Variants in ZNF407 observed in about 807,000 individuals in gnomAD.
The protein encoded by ZNF407 is zinc finger protein 407.
In ZNF407, 17 loss-of-function variants were observed where a neutral mutation model predicts 131.2. The observed-to-expected ratio is 0.13, with a 90% CI of 0.09 to 0.19. The LOEUF (loss-of-function observed/expected upper bound fraction) is 0.19, where lower values mean the gene tolerates loss of function less well. Among genes scored for constraint, ZNF407 ranks in the 10% least tolerant of loss-of-function variants. The pLI, the probability that ZNF407 is intolerant of heterozygous loss-of-function variation, is 1.00. For synonymous variants in ZNF407, 1,156 were observed against 1,062.0 expected, an observed-to-expected ratio of 1.09 and a Z score of -1.72; for missense variants, 2,681 against 2,830.6, an observed-to-expected ratio of 0.95 and a Z score of 1.20.
intron 4 of ZNF407, among the ~76,000 whole-genome samples, chr18:74,863,136 G>A (rs185656364): frequency 2.6e-5 from 4 of 151,566 alleles, no homozygotes; most frequent in African/African-American, 9.7e-5. Flanking sequence ...GACCAGGCTG[G>A]TCTTGAACTC....
Position 74,633,017 on chromosome 18 carries a change from A to C in ZNF407, c.1998A>C (p.Leu666Phe). 6.2e-7 allele frequency: 1 copy of C among 1,613,920 alleles called. No individual in the cohort carries two copies. The highest frequency in any genetic ancestry group is 8.5e-7 in the Non-Finnish European group (1 of 1,179,894). ...LVLQTLPLSTLESENAKESMD... is the reference protein window; with the variant it reads ...LVLQTLPLSTFESENAKESMD... ...TACAGACTTTACCTTTGAGTACTTT[A>C]GAATCAGAAAACGCAAAAGAGTCTA... The change falls in exon 2 of 9, where the codon TTA becomes TTC. Residue 666 changes from leucine to phenylalanine, a missense_variant. Leu to Phe is a conservative substitution (Grantham distance 22). Transcript: ENST00000299687.
intron 3 of ZNF407, among the ~76,000 whole-genome samples, chr18:74,682,950 C>A (rs116894851): frequency 6.6e-6 from 1 of 152,272 alleles, no homozygotes; most frequent in South Asian, 2.1e-4. Context: ...GGAAGAGATA[C>A]GCGGCAGGTT....
intron 7 of ZNF407, among the ~76,000 whole-genome samples, chr18:74,906,793 T>C (rs1460898775): frequency 3.3e-5 from 5 of 152,210 alleles, no homozygotes; most frequent in Admixed American, 6.5e-5. Flanking sequence ...TATATGTGTA[T>C]ATATTTTATA....
At chr18:74,896,257 C>G (rs1971451927) in intron 7 of ZNF407, among the ~76,000 whole-genome samples, 1 of 151,810 alleles carries the variant, frequency 6.6e-6, no homozygotes, top group Non-Finnish European at 1.5e-5. Context: ...GACTTTAAAT[C>G]AAAACTATTT....
At chr18:75,058,979 G>C (rs528041998) in intron 8 of ZNF407, among the ~76,000 whole-genome samples, 1 of 152,328 alleles carries the variant, frequency 6.6e-6, no homozygotes. Flanking sequence ...GACAGCACTC[G>C]AAGTTATTAA....
chr18:74,999,923 T>C (rs1019336685), intron 8 of ZNF407, among the ~76,000 whole-genome samples: 1 of 152,216 alleles, frequency 6.6e-6, no homozygotes, highest in African/African-American at 2.4e-5. Flanking sequence ...CATGATAGCT[T>C]GTGATTTCCC....
chr18:74,808,035 CAG>C (rs1422340141), intron 4 of ZNF407, among the ~76,000 whole-genome samples: 1 of 151,210 alleles, frequency 6.6e-6, no homozygotes, highest in Non-Finnish European at 1.5e-5. Flanking sequence ...TTTTTTGAGA[CAG>C]AGTTTCACTC....
intron 3 of ZNF407, among the ~76,000 whole-genome samples, chr18:74,660,211 C>G (rs1985652793): frequency 6.6e-6 from 1 of 152,042 alleles, no homozygotes; most frequent in South Asian, 2.1e-4. Context: ...TTAACAACCT[C>G]TAAGGTAGCA....
chr18:74,632,024 T>C lies in ZNF407; in HGVS notation c.1005T>C (p.Ser335=). The C allele has an allele frequency of 6.2e-7, 1 of 1,613,862 alleles. No homozygotes were observed. The highest frequency in any genetic ancestry group is 2.2e-5 in the East Asian group (1 of 44,886). The change falls in exon 2 of 9, where the codon TCT becomes TCC. Residue 335 remains serine, a synonymous_variant. Coordinates refer to ENST00000299687, the MANE Select transcript of ZNF407 (RefSeq NM_017757.3). ...STFKDFRGSI[S]KQSGSSSELL... ...TTAAAGATTTCAGAGGAAGTATTTC[T>C]AAACAAAGTGGTAGTAGCAGTGAGC...
intron 4 of ZNF407, among the ~76,000 whole-genome samples, chr18:74,834,141 T>C (rs1198452347): frequency 2.0e-5 from 3 of 152,230 alleles, no homozygotes; most frequent in Non-Finnish European, 2.9e-5. Flanking sequence ...TAAAACAAAA[T>C]CACCGATTAA....
intron 3 of ZNF407, among the ~76,000 whole-genome samples, chr18:74,762,401 A>G (rs1969115740): frequency 6.6e-6 from 1 of 152,158 alleles, no homozygotes. Context: ...TTTTAACTTA[A>G]AAGTTTTATT....
intron 4 of ZNF407, among the ~76,000 whole-genome samples, chr18:74,848,219 G>A (rs925732464): frequency 3.9e-5 from 6 of 152,260 alleles, no homozygotes; most frequent in Admixed American, 6.5e-5. Flanking sequence ...ATTGAGAAAC[G>A]TTGAGAAGAA....
At position 74,633,879 on chromosome 18, in the gene ZNF407, A is replaced by G; in HGVS notation, c.2860A>G (p.Thr954Ala). ...EHANKPAESP[T>A]SVLEKPDRGN... ...TGCTAACAAACCAGCTGAGTCACCC[A>G]CCTCCGTTTTAGAGAAGCCAGATCG... The change falls in exon 2 of 9, where the codon ACC (threonine) becomes GCC (alanine). Residue 954 changes from threonine to alanine, a missense_variant. Around this residue, in one of 6 missense-constraint regions of ZNF407, gnomAD observed 1,789 missense variants for 1,748.7 expected, o/e 1.02. Transcript: ENST00000299687. 1 of 1,613,998 alleles carries G rather than the reference A, an allele frequency of 6.2e-7. No individual in the cohort carries two copies. The highest frequency in any genetic ancestry group is 2.2e-5 in the East Asian group (1 of 44,890).
chr18:74,776,791 C>A (rs1362392238), intron 3 of ZNF407, among the ~76,000 whole-genome samples: 1 of 152,150 alleles, frequency 6.6e-6, no homozygotes, highest in Non-Finnish European at 1.5e-5. Flanking sequence ...TGAACACATT[C>A]TGTATATGTA....
intron 4 of ZNF407, among the ~76,000 whole-genome samples, chr18:74,787,022 G>T (rs1969732115): frequency 1.3e-5 from 2 of 151,712 alleles, no homozygotes; most frequent in South Asian, 2.1e-4. Context: ...GGCCAGGCTG[G>T]TCTCAAACTC....
At chr18:74,650,293 CTG>C (rs1985167911) in intron 3 of ZNF407, among the ~76,000 whole-genome samples, 1 of 152,160 alleles carries the variant, frequency 6.6e-6, no homozygotes, top group East Asian at 1.9e-4. Context: ...TATATGGTCT[CTG>C]TGCATGGTAT....
chr18:74,914,232 G>A (rs1971715443), intron 7 of ZNF407, among the ~76,000 whole-genome samples: 1 of 152,202 alleles, frequency 6.6e-6, no homozygotes, highest in African/African-American at 2.4e-5. Flanking sequence ...CACCTGTGAG[G>A]GCCAGGAGAG....
intron 5 of ZNF407, among the ~76,000 whole-genome samples, chr18:74,880,287 T>C (rs1971220076): frequency 6.6e-6 from 1 of 152,160 alleles, no homozygotes; most frequent in Non-Finnish European, 1.5e-5. Context: ...AAAATGAGCA[T>C]TTGCACACAT....
chr18:75,031,413 G>A lies in ZNF407; in HGVS notation c.5429-31737G>A, dbSNP rs182477911. Among the ~76,000 whole-genome samples the A allele has an allele frequency of 5.9e-5, 9 of 152,228 alleles. No homozygotes were observed. In the East Asian group the frequency reaches 1.7e-3, roughly 29 times the overall value. On this transcript the variant is annotated intron_variant, in intron 8 of 8. Coordinates refer to ENST00000299687, the MANE Select transcript of ZNF407 (RefSeq NM_017757.3). Reference sequence around the variant, plus strand: ...ACCTTTTACCCGTGAAAGAGAAAATGGGTCTTTTTTTTATGTAAAGGACAT... The same window carrying A: ...ACCTTTTACCCGTGAAAGAGAAAATAGGTCTTTTTTTTATGTAAAGGACAT...
Sources: gnomAD v4.1 joint callset for allele counts (sites outside exome capture counted in the v4.1 genomes callset) on GRCh38, gnomAD v4.1.1 for gene constraint, gnomAD v4.1.1 regional missense constraint, MANE v1.5 for transcripts, NCBI Gene and HGNC (gene_info 2026-07-23, HGNC 2026-07-21) for gene names.